Variants in EIF3B observed in about 807,000 individuals in gnomAD.
EIF3B encodes the protein eukaryotic translation initiation factor 3 subunit B.
A neutral mutation model predicts 104.6 loss-of-function variants in EIF3B; 10 were observed. The ratio of observed to expected loss-of-function variants is 0.10; its 90% confidence interval spans 0.06 to 0.16. The LOEUF is 0.16. Among genes scored for constraint, EIF3B ranks in the 10% least tolerant of loss-of-function variants. EIF3B has a pLI of 1.00. For synonymous variants in EIF3B, 542 were observed against 417.2 expected, an observed-to-expected ratio of 1.30 and a Z score of -3.65; for missense variants, 1,014 against 1,087.9, an observed-to-expected ratio of 0.93 and a Z score of 0.96.
intron 13 of EIF3B, chr7:2,374,981 C>A: frequency 3.3e-6 from 1 of 303,738 alleles, no homozygotes; most frequent in Non-Finnish European, 6.2e-6. Flanking sequence ...GCTGCCTTAC[C>A]TTTGTGGTTG....
intron 1 of EIF3B, among the ~76,000 whole-genome samples, chr7:2,358,920 A>G (rs1315740726): frequency 1.3e-5 from 2 of 152,196 alleles, no homozygotes; most frequent in Admixed American, 6.5e-5. Flanking sequence ...TAAGAAAAAA[A>G]TACTGTTATT....
At position 2,357,384 on chromosome 7, in the gene EIF3B, C is replaced by T. The variant is rs568978648; in HGVS notation, c.499+1964C>T. ...GTCATGGCCCTCCTGGTTGTGGTAA[C>T]GCAGGTTTTGTGCTTTATGAGAAGA... On this transcript the variant is annotated intron_variant, in intron 1 of 18. Coordinates refer to ENST00000360876, the MANE Select transcript of EIF3B (RefSeq NM_001037283.2). 6.6e-5 allele frequency among the ~76,000 whole-genome samples: 10 copies of T among 152,256 alleles called. No individual in the cohort carries two copies. In the South Asian group the frequency reaches 1.4e-3, roughly 22 times the overall value.
chr7:2,370,296 G>A (rs1466443621), intron 10 of EIF3B, among the ~76,000 whole-genome samples: 1 of 151,838 alleles, frequency 6.6e-6, no homozygotes, highest in African/African-American at 2.4e-5. Flanking sequence ...CCAACGTGGT[G>A]TGAAACCCCA....
At chr7:2,359,063 A>C (rs1393945882) in intron 1 of EIF3B, among the ~76,000 whole-genome samples, 1 of 150,806 alleles carries the variant, frequency 6.6e-6, no homozygotes, top group Non-Finnish European at 1.5e-5. Context: ...TTTACAAAGA[A>C]AAAAAAAAGT....
chr7:2,378,927 G>C, intron 16 of EIF3B, 161 bp downstream of exon 16: 1 of 771,908 alleles, frequency 1.3e-6, no homozygotes, highest in Non-Finnish European at 2.1e-6. Flanking sequence ...ACTGGGGTTG[G>C]CACGGGGACT....
intron 10 of EIF3B, 22 bp from the exon 11 acceptor site, chr7:2,371,755 C>CT: frequency 6.3e-7 from 1 of 1,580,206 alleles, no homozygotes; most frequent in Non-Finnish European, 8.7e-7. Flanking sequence ...AATGTCACCC[C>CT]TTCCCCCTTT....
At chr7:2,377,330 C>T (rs983957539) in intron 15 of EIF3B, among the ~76,000 whole-genome samples, 3 of 152,184 alleles carry the variant, frequency 2.0e-5, no homozygotes, top group Non-Finnish European at 4.4e-5. Context: ...GATGCCAGGG[C>T]CATTAAAAAG....
upstream of EIF3B, among the ~76,000 whole-genome samples, chr7:2,354,572 A>AG (rs969566374): frequency 7.2e-5 from 11 of 152,254 alleles, no homozygotes; most frequent in African/African-American, 1.7e-4. Flanking sequence ...GGGAAAGGAA[A>AG]GGGGGAGGAC....
rs367647255 is a variant in EIF3B at position 2,374,618 on chromosome 7, C to T, written c.1889+12C>T. The stretch of plus-strand genomic sequence containing the variant: ...GCGGGCCTGAGGAGGTAGGTGTCTG[C>T]GCTCTGAGCCTGTCCGCCCTGTGAG... On this transcript the variant is annotated intron_variant, in intron 13 of 18. Coordinates refer to ENST00000360876, the MANE Select transcript of EIF3B (RefSeq NM_001037283.2). 47 of 1,612,380 alleles carry T rather than the reference C, an allele frequency of 2.9e-5. 1 individual carries two copies. The highest frequency in any genetic ancestry group is 4.4e-5 in the South Asian group (4 of 91,018).
chr7:2,374,766 A>C, intron 13 of EIF3B, 160 bp downstream of exon 13: 2 of 608,036 alleles, frequency 3.3e-6, no homozygotes, highest in Non-Finnish European at 2.8e-6. Flanking sequence ...ACCTCTGCAG[A>C]CCCACGGTAC....
intron 1 of EIF3B, among the ~76,000 whole-genome samples, chr7:2,357,021 G>C (rs1233890066): frequency 2.6e-5 from 4 of 152,124 alleles, no homozygotes; most frequent in Admixed American, 2.6e-4. Flanking sequence ...TGGCCCACCA[G>C]ACTCTCCTGC....
intron 15 of EIF3B, 85 bp downstream of exon 15, chr7:2,377,160 G>A (rs918491311): frequency 1.5e-5 from 23 of 1,492,566 alleles, no homozygotes; most frequent in Admixed American, 2.3e-5. Context: ...GTTATTGTTA[G>A]GGTGGTGACT....
intron 10 of EIF3B, among the ~76,000 whole-genome samples, chr7:2,369,960 A>G (rs1780234581): frequency 6.6e-6 from 1 of 151,648 alleles, no homozygotes; most frequent in Admixed American, 6.6e-5. Flanking sequence ...TATTTTTATT[A>G]GAGACAGGGT....
intron 1 of EIF3B, among the ~76,000 whole-genome samples, chr7:2,356,922 A>G (rs773760946): frequency 6.6e-6 from 1 of 152,174 alleles, no homozygotes; most frequent in Non-Finnish European, 1.5e-5. Flanking sequence ...AGACTTTGGG[A>G]ACATCTAGTC....
chr7:2,363,054 C>G lies in EIF3B; in HGVS notation c.813-16C>G, dbSNP rs532578414. On this transcript the variant is annotated splice_polypyrimidine_tract_variant and intron_variant, in intron 3 of 18. Coordinates refer to ENST00000360876, the MANE Select transcript of EIF3B (RefSeq NM_001037283.2). ...TCGTCAGGGCGTGGGGCTCAGCAGT[C>G]TCCTTTCTTCTCCAGGTATATGACG... The G allele has an allele frequency of 6.2e-7, 1 of 1,613,824 alleles. No homozygotes were observed. Among genetic ancestry groups the G allele is most frequent in the African/African-American group, 1.3e-5 (1 of 74,898 alleles).
chr7:2,357,857 G>A (rs941079648), intron 1 of EIF3B, among the ~76,000 whole-genome samples: 1 of 152,122 alleles, frequency 6.6e-6, no homozygotes, highest in Non-Finnish European at 1.5e-5. Flanking sequence ...TACCCAATTT[G>A]TGTAAAAGTT....
At chr7:2,373,231 CTG>C (rs1339506281) in intron 12 of EIF3B, 1 of 154,114 alleles carries the variant, frequency 6.5e-6, no homozygotes, top group African/African-American at 2.4e-5. Flanking sequence ...GGGTGCCACA[CTG>C]CACCCACCTG....
At chr7:2,369,813 T>C in intron 10 of EIF3B, 131 bp downstream of exon 10, 1 of 747,422 alleles carries the variant, frequency 1.3e-6, no homozygotes, top group Non-Finnish European at 2.0e-6. Context: ...AGTCTCACTC[T>C]GTCACCAGGC....
intron 2 of EIF3B, among the ~76,000 whole-genome samples, chr7:2,361,940 C>G (rs1476443371): frequency 6.7e-6 from 1 of 148,554 alleles, no homozygotes; most frequent in African/African-American, 2.5e-5. Context: ...CCACGCCTGG[C>G]TTGCTTGCTT....
Sources: gnomAD v4.1 joint callset for allele counts (sites outside exome capture counted in the v4.1 genomes callset) on GRCh38, gnomAD v4.1.1 for gene constraint, MANE v1.5 for transcripts, NCBI Gene and HGNC (gene_info 2026-07-23, HGNC 2026-07-21) for gene names.